The following KCNIP4 variants were observed in gnomAD, a reference collection of about 807,000 sequenced individuals.
KCNIP4 encodes Kv channel-interacting protein 4.
Under a neutral mutation model 34.0 loss-of-function variants are expected in KCNIP4, and 12 were observed. That is an observed-to-expected ratio of 0.35 (90% CI 0.23 to 0.57). The LOEUF is 0.57. Ranked by LOEUF, KCNIP4 falls within the 20% of genes least tolerant of loss-of-function variation. The pLI, the probability that KCNIP4 is intolerant of heterozygous loss-of-function variation, is 0.83. For missense variants in KCNIP4, 238 were observed against 311.7 expected, an observed-to-expected ratio of 0.76 and a Z score of 1.78; for synonymous variants, 124 against 102.2, an observed-to-expected ratio of 1.21 and a Z score of -1.29.
intron 1 of KCNIP4, among the ~76,000 whole-genome samples, chr4:20,893,730 C>A (rs954360652): frequency 1.3e-5 from 2 of 151,530 alleles, no homozygotes; most frequent in Non-Finnish European, 2.9e-5. Context: ...AGCCACCTTG[C>A]CTCTTTGATC....
intron 1 of KCNIP4, among the ~76,000 whole-genome samples, chr4:21,802,936 A>C (rs907127588): frequency 6.6e-6 from 1 of 152,188 alleles, no homozygotes; most frequent in Non-Finnish European, 1.5e-5. Flanking sequence ...AGGGGCTTTA[A>C]AATGGCCAAT....
chr4:21,669,153 C>G (rs1749266201), intron 1 of KCNIP4, among the ~76,000 whole-genome samples: 1 of 149,574 alleles, frequency 6.7e-6, no homozygotes, highest in African/African-American at 2.4e-5. Context: ...TCCTTCCTTC[C>G]AAGACAGGGT....
intron 1 of KCNIP4, among the ~76,000 whole-genome samples, chr4:21,401,508 A>G (rs888643945): frequency 2.6e-5 from 4 of 152,180 alleles, no homozygotes; most frequent in African/African-American, 9.6e-5. Flanking sequence ...TAATTTGCCC[A>G]TGTTGAATGT....
At chr4:20,987,165 G>T (rs778056862) in intron 1 of KCNIP4, among the ~76,000 whole-genome samples, 1 of 152,150 alleles carries the variant, frequency 6.6e-6, no homozygotes, top group Non-Finnish European at 1.5e-5. Context: ...GGAGGCTTAG[G>T]TGGGAGGATA....
At position 20,969,570 on chromosome 4, in the gene KCNIP4, G is replaced by A. The variant is rs140988847; in HGVS notation, c.62-86861C>T. ...TGCGTGTGTGTTTGTGTGTGTGTGTGTGTGTGTGAAAAGACCTGAAACAGT... is the reference window on the plus strand; with the variant it reads ...TGCGTGTGTGTTTGTGTGTGTGTGTATGTGTGTGAAAAGACCTGAAACAGT... On this transcript the variant is annotated intron_variant, in intron 1 of 8. Coordinates refer to ENST00000382152, the MANE Select transcript of KCNIP4 (RefSeq NM_025221.6). Among the ~76,000 whole-genome samples the A allele has an allele frequency of 2.2e-3, 332 of 152,158 alleles. 1 individual carries two copies. The highest frequency in any genetic ancestry group is 7.5e-3 in the African/African-American group (311 of 41,488).
intron 3 of KCNIP4, among the ~76,000 whole-genome samples, chr4:20,800,589 A>G (rs1381305962): frequency 6.6e-6 from 1 of 152,224 alleles, no homozygotes; most frequent in Non-Finnish European, 1.5e-5. Context: ...ATAATAAAAA[A>G]GAACAGAAAT....
intron 1 of KCNIP4, among the ~76,000 whole-genome samples, chr4:21,593,119 T>TGTGTTTG (rs1553908529): frequency 3.7e-5 from 5 of 134,870 alleles, no homozygotes; most frequent in Non-Finnish European, 4.9e-5. Flanking sequence ...GTGTGTGTGT[T>TGTGTTTG]TGTGTGTGTG....
chr4:21,487,797 G>A (rs1254161827), intron 1 of KCNIP4, among the ~76,000 whole-genome samples: 1 of 152,004 alleles, frequency 6.6e-6, no homozygotes, highest in African/African-American at 2.4e-5. Flanking sequence ...TCCCACCTTT[G>A]GTAGTTAGGA....
chr4:21,917,277 G>A (rs1173108207), intron 1 of KCNIP4, among the ~76,000 whole-genome samples: 2 of 152,004 alleles, frequency 1.3e-5, no homozygotes, highest in East Asian at 3.9e-4. Flanking sequence ...TGGGATTACA[G>A]GCATACACCG....
intron 1 of KCNIP4, among the ~76,000 whole-genome samples, chr4:20,968,696 A>G (rs1158797613): frequency 6.5e-5 from 9 of 139,022 alleles, no homozygotes; most frequent in Non-Finnish European, 1.4e-4. Context: ...CAAACACTAC[A>G]TGTTCTCACT....
intron 3 of KCNIP4, among the ~76,000 whole-genome samples, chr4:20,819,602 G>T (rs1188305769): frequency 6.6e-6 from 1 of 152,222 alleles, no homozygotes; most frequent in Non-Finnish European, 1.5e-5. Context: ...AGTTTGAATG[G>T]ATGAGGTCCC....
intron 3 of KCNIP4, among the ~76,000 whole-genome samples, chr4:20,796,118 C>T (rs570880243): frequency 1.3e-5 from 2 of 152,198 alleles, no homozygotes; most frequent in African/African-American, 4.8e-5. Flanking sequence ...GAAAATGTGT[C>T]GGATGTTTTC....
At chr4:20,800,109 C>G (rs188717848) in intron 3 of KCNIP4, among the ~76,000 whole-genome samples, 12 of 152,294 alleles carry the variant, frequency 7.9e-5, no homozygotes, top group East Asian at 5.8e-4. Flanking sequence ...ACATACATAG[C>G]CACCATTATT....
chr4:20,984,105 A>C, intron 1 of KCNIP4: 1 of 890,836 alleles, frequency 1.1e-6, no homozygotes. Flanking sequence ...ACCTGGGCTA[A>C]AGTCCAGCTT....
At chr4:21,389,727 G>A (rs1722376050) in intron 1 of KCNIP4, among the ~76,000 whole-genome samples, 1 of 151,954 alleles carries the variant, frequency 6.6e-6, no homozygotes, top group Non-Finnish European at 1.5e-5. Flanking sequence ...TTGGTTCCAA[G>A]TCTTTTCTAT....
intron 1 of KCNIP4, among the ~76,000 whole-genome samples, chr4:21,051,880 G>A (rs977379500): frequency 1.3e-5 from 2 of 152,160 alleles, no homozygotes; most frequent in African/African-American, 4.8e-5. Flanking sequence ...CTGCAAGAGA[G>A]ATGCAAGTTA....
intron 1 of KCNIP4, among the ~76,000 whole-genome samples, chr4:21,218,026 A>AT (rs1176124272): frequency 6.9e-6 from 1 of 144,320 alleles, no homozygotes; most frequent in East Asian, 2.0e-4. Flanking sequence ...TATTATTATT[A>AT]TTTTTTTAGA....
intron 1 of KCNIP4, among the ~76,000 whole-genome samples, chr4:21,492,225 C>CA (rs1339026434): frequency 6.6e-6 from 1 of 151,214 alleles, no homozygotes; most frequent in Non-Finnish European, 1.5e-5. Context: ...TATACATATA[C>CA]TTTTTTGTTT....
At chr4:21,729,509 C>T (rs13107513) in intron 1 of KCNIP4, among the ~76,000 whole-genome samples, 1 of 151,864 alleles carries the variant, frequency 6.6e-6, no homozygotes, top group African/African-American at 2.4e-5. Flanking sequence ...TGTCCTTTCA[C>T]ATAAATGCAC....
Sources: allele counts gnomAD v4.1 joint callset (sites outside exome capture counted in the v4.1 genomes callset), GRCh38; gene constraint gnomAD v4.1.1; transcripts MANE v1.5; gene names NCBI Gene and HGNC (gene_info 2026-07-23, HGNC 2026-07-21).